The following PLB1 variants were observed in gnomAD, a reference collection of about 807,000 sequenced individuals.
The protein encoded by PLB1 is phospholipase B1, membrane-associated.
A neutral mutation model predicts 227.4 loss-of-function variants in PLB1; 242 were observed. The observed-to-expected ratio is 1.06, with a 90% confidence interval of 0.96 to 1.18. The LOEUF (loss-of-function observed/expected upper bound fraction) is 1.18. PLB1 is among the 50% of genes most tolerant of loss of function. The probability of loss-of-function intolerance (pLI) is 0.00; values close to 1 mark genes in which losing one functional copy is unlikely to be tolerated. For synonymous variants in PLB1, 757 were observed against 682.2 expected, an observed-to-expected ratio of 1.11 and a Z score of -1.71; for missense variants, 1,858 against 1,816.3, an observed-to-expected ratio of 1.02 and a Z score of -0.42.
chr2:28,642,793 G>C, intron 57 of PLB1, 65 bp from the exon 58 acceptor site: 1 of 1,402,762 alleles, frequency 7.1e-7, no homozygotes, highest in Non-Finnish European at 9.8e-7. Context: ...GACTAGGCAA[G>C]TCTTGGCTTG....
intron 8 of PLB1, 34 bp from the exon 9 acceptor site, chr2:28,532,074 A>C: frequency 6.5e-7 from 1 of 1,536,212 alleles, no homozygotes; most frequent in Middle Eastern, 1.7e-4. Flanking sequence ...GTCTTAACAC[A>C]ATCTCCTTTT....
intron 33 of PLB1, among the ~76,000 whole-genome samples, chr2:28,597,259 G>C (rs544105459): frequency 8.1e-6 from 1 of 123,542 alleles, no homozygotes; most frequent in Non-Finnish European, 1.6e-5. Flanking sequence ...GCAAGACTCC[G>C]TCTCGAAAAA....
chr2:28,598,053 G>T lies in PLB1; in HGVS notation c.2365+5G>T. 1 of 1,611,320 alleles carries T rather than the reference G, an allele frequency of 6.2e-7. No homozygotes were observed. Among genetic ancestry groups the T allele is most frequent in the Non-Finnish European group, 8.5e-7 (1 of 1,178,044 alleles). On this transcript the variant is annotated splice_donor_5th_base_variant and intron_variant, in intron 34 of 57. Transcript: ENST00000327757. ...AGAATGTGACCACCTTACCTAGTAA[G>T]TAACCATCAGGGGCTTGAATCTGTC...
At position 28,514,422 on chromosome 2, in the gene PLB1, C is replaced by T. The variant is rs552389158; in HGVS notation, c.56-2386C>T. Among the ~76,000 whole-genome samples, 117 of 152,162 alleles carry T rather than the reference C, an allele frequency of 7.7e-4. 1 individual carries two copies. The highest frequency in any genetic ancestry group is 5.9e-4 in the Admixed American group (9 of 15,292). On this transcript the variant is annotated intron_variant, in intron 1 of 57. Coordinates refer to ENST00000327757, the MANE Select transcript of PLB1 (RefSeq NM_153021.5). Reference sequence around the variant, plus strand: ...CAATATTGTGTTGGCTCTTCTAGGTCGTTTGCCTCTTAATATAAATTTTAG... The same window carrying T: ...CAATATTGTGTTGGCTCTTCTAGGTTGTTTGCCTCTTAATATAAATTTTAG...
At chr2:28,607,800 T>C (rs926255875) in intron 43 of PLB1, among the ~76,000 whole-genome samples, 1 of 152,076 alleles carries the variant, frequency 6.6e-6, no homozygotes, top group Admixed American at 6.6e-5. Flanking sequence ...ATTGTAGATA[T>C]GTCAATATTT....
intron 9 of PLB1, among the ~76,000 whole-genome samples, chr2:28,535,354 G>A (rs974921354): frequency 6.6e-6 from 1 of 152,178 alleles, no homozygotes. Context: ...TTTGATGCCT[G>A]GAATAAATCT....
At chr2:28,510,622 TCTC>T (rs1425451641) in intron 1 of PLB1, among the ~76,000 whole-genome samples, 1,467 of 58,480 alleles carry the variant, frequency 0.025, 34 homozygotes, top group African/African-American at 0.091. Context: ...TCTTTTTCTC[TCTC>T]TTTTTTTTTT....
chr2:28,500,634 T>TATTTGTCTTATC (rs1666980328), intron 1 of PLB1, among the ~76,000 whole-genome samples: 1 of 152,120 alleles, frequency 6.6e-6, no homozygotes, highest in Non-Finnish European at 1.5e-5. Flanking sequence ...TCCCCCCTCC[T>TATTTGTCTTATC]TTTTGTCTTA....
intron 7 of PLB1, 66 bp from the exon 8 acceptor site, chr2:28,529,662 C>A: frequency 6.6e-7 from 1 of 1,505,532 alleles, no homozygotes; most frequent in Non-Finnish European, 9.2e-7. Context: ...TGGCAAGGGG[C>A]AAGCTTCCAG....
At chr2:28,500,067 T>C (rs550217988) in intron 1 of PLB1, among the ~76,000 whole-genome samples, 2 of 152,224 alleles carry the variant, frequency 1.3e-5, no homozygotes, top group Non-Finnish European at 2.9e-5. Context: ...GAGATGATTG[T>C]GTGACTTACT....
At position 28,607,226 on chromosome 2, in the gene PLB1, A is replaced by T. The variant is rs896180785; in HGVS notation, c.3129+659A>T. On this transcript the variant is annotated intron_variant, in intron 43 of 57. Transcript: ENST00000327757. ...GCCCGGTCTTATGGCTTTTTAACCA[A>T]ATAAGGCCAAGGCCAGAAAACCCTC... Among the ~76,000 whole-genome samples, 4 of 152,120 alleles carry T rather than the reference A, an allele frequency of 2.6e-5. No individual in the cohort carries two copies. The South Asian group carries it at 6.2e-4, about 24-fold the overall frequency.
rs1416735193 is a variant in PLB1, at chr2:28,636,045, GTA to G, written c.4098+3008_4098+3009del. ...TGTGTGTGTATGTGTGTGTGTGTAT[GTA>G]TGTGTATGTGTGTATGTATGTATGT... On this transcript the variant is annotated intron_variant, in intron 56 of 57. Coordinates refer to ENST00000327757, the MANE Select transcript of PLB1 (RefSeq NM_153021.5). Among the ~76,000 whole-genome samples, 469 of 105,526 alleles carry G rather than the reference GTA, an allele frequency of 4.4e-3. 3 individuals are homozygous for G. Among genetic ancestry groups the G allele is most frequent in the Admixed American group, 8.8e-3 (98 of 11,082 alleles). 69.2% of individuals were successfully genotyped at this position (105,526 alleles called of 152,430 possible).
chr2:28,611,968 C>T (rs749506685), intron 43 of PLB1, among the ~76,000 whole-genome samples: 32 of 151,948 alleles, frequency 2.1e-4, no homozygotes, highest in Non-Finnish European at 3.1e-4. Flanking sequence ...GTGAACCCCC[C>T]GTCTCTACTA....
chr2:28,521,872 C>T (rs1669573301), intron 4 of PLB1, among the ~76,000 whole-genome samples: 1 of 152,006 alleles, frequency 6.6e-6, no homozygotes. Context: ...TACTCTTTCT[C>T]CCCCAGAGCC....
intron 56 of PLB1, 129 bp from the exon 57 acceptor site, chr2:28,640,798 C>T: frequency 1.1e-6 from 1 of 943,320 alleles, no homozygotes; most frequent in Admixed American, 2.7e-5. Context: ...GGCCAAAAAC[C>T]AGCCACTTCG....
intron 9 of PLB1, among the ~76,000 whole-genome samples, chr2:28,533,996 T>C (rs1198787094): frequency 6.6e-6 from 1 of 152,232 alleles, no homozygotes; most frequent in Non-Finnish European, 1.5e-5. Context: ...CCTCTGTCTC[T>C]TTTTCTTTGC....
At chr2:28,606,711 T>G in intron 43 of PLB1, 144 bp downstream of exon 43, 1 of 731,362 alleles carries the variant, frequency 1.4e-6, no homozygotes, top group East Asian at 2.5e-5. Flanking sequence ...TGGAGGGGAG[T>G]CCATGAGGAT....
At chr2:28,635,769 C>G (rs1190638234) in intron 56 of PLB1, among the ~76,000 whole-genome samples, 1 of 152,248 alleles carries the variant, frequency 6.6e-6, no homozygotes, top group Non-Finnish European at 1.5e-5. Context: ...CTTCTGTCTT[C>G]TTATCTGAAG....
At chr2:28,513,991 C>T (rs937215352) in intron 1 of PLB1, among the ~76,000 whole-genome samples, 1 of 152,174 alleles carries the variant, frequency 6.6e-6, no homozygotes, top group Non-Finnish European at 1.5e-5. Flanking sequence ...TAATGTATTT[C>T]AACATATACT....
Sources: allele counts gnomAD v4.1 joint callset (sites outside exome capture counted in the v4.1 genomes callset), GRCh38; gene constraint gnomAD v4.1.1; transcripts MANE v1.5; gene names NCBI Gene and HGNC (gene_info 2026-07-23, HGNC 2026-07-21).